The following CSMD1 variants were observed in gnomAD, a reference collection of about 807,000 sequenced individuals.
CSMD1 encodes the protein CUB and Sushi multiple domains 1.
In CSMD1, 213 loss-of-function variants were observed where a neutral mutation model predicts 417.5. The ratio of observed to expected loss-of-function variants is 0.51; its 90% CI spans 0.46 to 0.57. The LOEUF (loss-of-function observed/expected upper bound fraction) is 0.57, where lower values mean the gene tolerates loss of function less well. Among genes scored for constraint, CSMD1 ranks in the 20% least tolerant of loss-of-function variants. The probability of loss-of-function intolerance (pLI) is 0.00; values close to 1 mark genes in which losing one functional copy is unlikely to be tolerated. For synonymous variants in CSMD1, 2,862 were observed against 1,736.8 expected, an observed-to-expected ratio of 1.65 and a Z score of -16.11; for missense variants, 6,923 against 4,529.7, an observed-to-expected ratio of 1.53 and a Z score of -15.17.
At chr8:3,848,699 G>T (rs906773186) in intron 5 of CSMD1, among the ~76,000 whole-genome samples, 2 of 152,042 alleles carry the variant, frequency 1.3e-5, no homozygotes, top group African/African-American at 4.8e-5. Context: ...CACCATCTGT[G>T]TGATCTGATC....
In CSMD1 at chr8:4,585,460, C is replaced by G. The variant is rs140603859; in HGVS notation, c.302+51882G>C. Among the ~76,000 whole-genome samples, 275 of 152,138 alleles carry G rather than the reference C, an allele frequency of 1.8e-3. 2 individuals carry two copies. Among genetic ancestry groups the G allele is most frequent in the African/African-American group, 6.5e-3 (269 of 41,504 alleles). On this transcript the variant is annotated intron_variant, in intron 2 of 69. Coordinates refer to ENST00000635120, the MANE Select transcript of CSMD1 (RefSeq NM_033225.6). Reference sequence around the variant, plus strand: ...GGAATATGGGCAAAATAATAAATAACATTTCCTCATAAGGAGAAAAAAGAA... The same window carrying G: ...GGAATATGGGCAAAATAATAAATAAGATTTCCTCATAAGGAGAAAAAAGAA...
At chr8:3,330,283 G>C (rs1806806727) in intron 23 of CSMD1, among the ~76,000 whole-genome samples, 1 of 152,156 alleles carries the variant, frequency 6.6e-6, no homozygotes, top group Non-Finnish European at 1.5e-5. Context: ...CTACCATAAA[G>C]ACATACTCAT....
At chr8:4,064,340 C>G (rs1799133332) in intron 3 of CSMD1, among the ~76,000 whole-genome samples, 1 of 152,186 alleles carries the variant, frequency 6.6e-6, no homozygotes, top group Non-Finnish European at 1.5e-5. Context: ...GTCACCTGCT[C>G]TCTTTCACAA....
intron 2 of CSMD1, among the ~76,000 whole-genome samples, chr8:4,462,865 G>A (rs910916972): frequency 1.7e-4 from 26 of 152,156 alleles, no homozygotes; most frequent in South Asian, 4.1e-4. Context: ...CAAACTCTTT[G>A]AAGAAAATAT....
chr8:3,785,418 T>C (rs1799404835), intron 5 of CSMD1, among the ~76,000 whole-genome samples: 1 of 152,192 alleles, frequency 6.6e-6, no homozygotes, highest in Non-Finnish European at 1.5e-5. Context: ...GAGGTCAGGC[T>C]AAGCAGCTGG....
chr8:4,631,747 C>T (rs766774098), intron 2 of CSMD1, among the ~76,000 whole-genome samples: 15 of 152,134 alleles, frequency 9.9e-5, no homozygotes, highest in African/African-American at 1.9e-4. Context: ...ATTTTAATGG[C>T]CCTATCACAT....
intron 1 of CSMD1, among the ~76,000 whole-genome samples, chr8:4,733,204 A>C (rs571696031): frequency 9.8e-5 from 15 of 152,342 alleles, no homozygotes; most frequent in Admixed American, 8.5e-4. Flanking sequence ...TGAACATTAC[A>C]TTCCAAAACA....
At chr8:4,454,964 T>C (rs1799380258) in intron 2 of CSMD1, among the ~76,000 whole-genome samples, 1 of 152,182 alleles carries the variant, frequency 6.6e-6, no homozygotes, top group African/African-American at 2.4e-5. Context: ...TGTTTCTTCA[T>C]GGACCTGGGA....
chr8:4,332,170 C>G (rs1799903079), intron 3 of CSMD1, among the ~76,000 whole-genome samples: 2 of 152,096 alleles, frequency 1.3e-5, no homozygotes, highest in Admixed American at 6.6e-5. Context: ...GGAGCAAACA[C>G]AACTGTGGAC....
intron 3 of CSMD1, among the ~76,000 whole-genome samples, chr8:4,384,182 C>G (rs774966304): frequency 6.6e-6 from 1 of 152,150 alleles, no homozygotes; most frequent in Non-Finnish European, 1.5e-5. Flanking sequence ...AGAAAGACAT[C>G]CTGCTCAAGA....
In CSMD1 at chr8:4,156,221, T is replaced by C. The variant is rs532107929; in HGVS notation, c.416-124122A>G. 6.6e-5 allele frequency among the ~76,000 whole-genome samples: 10 copies of C among 152,304 alleles called. No individual in the cohort carries two copies. In the East Asian group the frequency reaches 1.9e-3, roughly 29 times the overall value. On this transcript the variant is annotated intron_variant, in intron 3 of 69. Transcript: ENST00000635120. ...TGGACTGGGATCACTGTGATATCCTTGGGGTGGTAGCAAAATCTTTCTTTT... is the reference window on the plus strand; with the variant it reads ...TGGACTGGGATCACTGTGATATCCTCGGGGTGGTAGCAAAATCTTTCTTTT...
intron 7 of CSMD1, among the ~76,000 whole-genome samples, chr8:3,658,111 A>G (rs1798222375): frequency 6.6e-6 from 1 of 152,178 alleles, no homozygotes; most frequent in Admixed American, 6.6e-5. Flanking sequence ...CATTATTATC[A>G]TCAAATAAAA....
intron 3 of CSMD1, among the ~76,000 whole-genome samples, chr8:4,215,088 C>G (rs919405921): frequency 6.6e-6 from 1 of 152,130 alleles, no homozygotes; most frequent in Non-Finnish European, 1.5e-5. Flanking sequence ...ACAAACAATG[C>G]TTCTATTCCG....
intron 52 of CSMD1, among the ~76,000 whole-genome samples, chr8:3,003,515 G>A (rs866650728): frequency 2.0e-5 from 3 of 152,156 alleles, no homozygotes; most frequent in Admixed American, 6.5e-5. Context: ...TCACCACTGG[G>A]CAGTCATGTC....
At chr8:4,024,431 A>G (rs1003514962) in intron 4 of CSMD1, among the ~76,000 whole-genome samples, 4 of 152,206 alleles carry the variant, frequency 2.6e-5, no homozygotes, top group African/African-American at 9.6e-5. Context: ...AAACTCTTCA[A>G]CCATGTTCAT....
At chr8:3,737,034 G>A (rs537746754) in intron 6 of CSMD1, among the ~76,000 whole-genome samples, 20 of 152,220 alleles carry the variant, frequency 1.3e-4, no homozygotes, top group Admixed American at 1.2e-3. Context: ...ACATGATTAC[G>A]TCCAATTATA....
chr8:4,514,273 G>T (rs939782299), intron 2 of CSMD1, among the ~76,000 whole-genome samples: 5 of 151,940 alleles, frequency 3.3e-5, no homozygotes, highest in Non-Finnish European at 2.9e-5. Flanking sequence ...AATCCCCTTG[G>T]ATCAGGCCCC....
intron 5 of CSMD1, among the ~76,000 whole-genome samples, chr8:3,974,713 G>C (rs779498734): frequency 4.0e-5 from 6 of 151,412 alleles, no homozygotes; most frequent in Admixed American, 6.6e-5. Flanking sequence ...TTTTATATAA[G>C]ATGAAGAACA....
chr8:4,199,643 C>T (rs992363594), intron 3 of CSMD1, among the ~76,000 whole-genome samples: 12 of 152,142 alleles, frequency 7.9e-5, no homozygotes, highest in African/African-American at 2.9e-4. Context: ...ATAAAGACTT[C>T]AACCCAAGCT....
Sources: allele counts gnomAD v4.1 joint callset (sites outside exome capture counted in the v4.1 genomes callset), GRCh38; gene constraint gnomAD v4.1.1; transcripts MANE v1.5; gene names NCBI Gene and HGNC (gene_info 2026-07-23, HGNC 2026-07-21).